PPFIA2: variants seen among roughly 807,000 people sequenced by gnomAD.
PPFIA2 encodes the protein PPFI scaffold protein A2.
In PPFIA2, 46 loss-of-function variants were observed where a neutral mutation model predicts 175.5. The observed-to-expected ratio is 0.26, with a 90% CI of 0.21 to 0.34. The LOEUF is 0.34. Among genes scored for constraint, PPFIA2 ranks in the 10% least tolerant of loss-of-function variants. The pLI is 1.00. For missense variants in PPFIA2, 1,179 were observed against 1,506.1 expected, an observed-to-expected ratio of 0.78 and a Z score of 3.60; for synonymous variants, 568 against 511.4, an observed-to-expected ratio of 1.11 and a Z score of -1.49.
intron 8 of PPFIA2, among the ~76,000 whole-genome samples, chr12:81,385,259 A>C (rs1201374671): frequency 6.6e-6 from 1 of 152,156 alleles, no homozygotes; most frequent in Non-Finnish European, 1.5e-5. Context: ...GCTACTAGTA[A>C]AAATGTAAAT....
At chr12:81,586,309 T>C (rs569389300) in intron 4 of PPFIA2, among the ~76,000 whole-genome samples, 1 of 152,072 alleles carries the variant, frequency 6.6e-6, no homozygotes, top group Admixed American at 6.6e-5. Context: ...TTGCTGAGGT[T>C]TGCTTTTTGA....
At chr12:81,491,499 G>A (rs1481108184) in intron 4 of PPFIA2, among the ~76,000 whole-genome samples, 2 of 151,828 alleles carry the variant, frequency 1.3e-5, no homozygotes, top group Non-Finnish European at 2.9e-5. Context: ...CCCTAAGCCC[G>A]ATTTGATGGG....
chr12:81,292,864 A>G (rs1005643552), intron 24 of PPFIA2: 1 of 152,048 alleles, frequency 6.6e-6, no homozygotes, highest in African/African-American at 2.4e-5. Flanking sequence ...AAAATAATAT[A>G]GGTAAGAATT....
chr12:81,609,965 C>G (rs568847292), intron 4 of PPFIA2, among the ~76,000 whole-genome samples: 135 of 152,244 alleles, frequency 8.9e-4, no homozygotes, highest in African/African-American at 3.2e-3. Flanking sequence ...TAAAACTAGT[C>G]TAGTTGAAAA....
chr12:81,349,551 A>G (rs2059655376), intron 17 of PPFIA2, among the ~76,000 whole-genome samples: 1 of 152,186 alleles, frequency 6.6e-6, no homozygotes, highest in South Asian at 2.1e-4. Context: ...AGAAAAAACT[A>G]TCTTCACCCT....
At position 81,676,954 on chromosome 12, in the gene PPFIA2, A is replaced by C. The variant is rs115604320; in HGVS notation, c.250-110T>G. On this transcript the variant is annotated intron_variant, in intron 3 of 32. Transcript: ENST00000549396. ...GCTGCAAAGTTAGGGCATGTCAGCT[A>C]TTTTATTATTTTTTTGCAATCTTGG... 2.6e-4 allele frequency: 179 copies of C among 689,234 alleles called. No homozygotes were observed. The African/African-American group carries it at 2.9e-3, about 11-fold the overall frequency. 42.7% of individuals were successfully genotyped at this position (689,234 alleles called of 1,614,324 possible). A position where few individuals can be genotyped will look rare whatever the true frequency, so the allele number is the denominator to read the frequency against.
chr12:81,495,107 T>A lies in PPFIA2; in HGVS notation c.304-37241A>T, dbSNP rs191086669. Among the ~76,000 whole-genome samples the A allele has an allele frequency of 2.0e-3, 296 of 151,626 alleles. 2 individuals are homozygous for A. The highest frequency in any genetic ancestry group is 6.2e-3 in the African/African-American group (255 of 41,382). On this transcript the variant is annotated intron_variant, in intron 4 of 32. Coordinates refer to ENST00000549396, the MANE Select transcript of PPFIA2 (RefSeq NM_003625.5). ...TTAAAGTATAATAATAATAAAATTTTAAAAAAAAGAAAAAGTGTCGTTTAG... is the reference window on the plus strand; with the variant it reads ...TTAAAGTATAATAATAATAAAATTTAAAAAAAAAGAAAAAGTGTCGTTTAG...
At chr12:81,414,145 C>T (rs896601099) in intron 7 of PPFIA2, among the ~76,000 whole-genome samples, 7 of 151,654 alleles carry the variant, frequency 4.6e-5, no homozygotes, top group African/African-American at 1.7e-4. Context: ...AGAGATATTT[C>T]TGATTCAGGT....
intron 4 of PPFIA2, among the ~76,000 whole-genome samples, chr12:81,671,587 C>T (rs991068379): frequency 6.6e-6 from 1 of 151,878 alleles, no homozygotes; most frequent in African/African-American, 2.4e-5. Flanking sequence ...GGGAAGATCT[C>T]GTTGACTCTT....
intron 17 of PPFIA2, among the ~76,000 whole-genome samples, chr12:81,348,962 C>A (rs1426438577): frequency 2.0e-5 from 3 of 152,086 alleles, no homozygotes; most frequent in Admixed American, 1.3e-4. Flanking sequence ...CCTGTACCTT[C>A]AAGTTTATGA....
At chr12:81,554,881 A>T (rs17008707) in intron 4 of PPFIA2, among the ~76,000 whole-genome samples, 18,067 of 152,042 alleles carry the variant, frequency 0.12, 1,196 homozygotes, top group Middle Eastern at 0.13. Flanking sequence ...GTTCAGTACC[A>T]TGTGAGATCA....
At chr12:81,319,093 A>C (rs1253708373) in intron 22 of PPFIA2, among the ~76,000 whole-genome samples, 1 of 151,646 alleles carries the variant, frequency 6.6e-6, no homozygotes, top group African/African-American at 2.4e-5. Flanking sequence ...TACTCTTTCC[A>C]GATCAAAAAT....
At chr12:81,702,798 T>C (rs898117848) in intron 3 of PPFIA2, among the ~76,000 whole-genome samples, 2 of 152,134 alleles carry the variant, frequency 1.3e-5, no homozygotes, top group Admixed American at 1.3e-4. Context: ...GGTTTAGATA[T>C]GATTATGAGG....
intron 21 of PPFIA2, among the ~76,000 whole-genome samples, chr12:81,326,875 CACAA>C (rs1472661552): frequency 1.5e-4 from 23 of 152,154 alleles, no homozygotes; most frequent in Non-Finnish European, 2.5e-4. Flanking sequence ...TATAAACTCT[CACAA>C]AGACTATGCA....
intron 6 of PPFIA2, among the ~76,000 whole-genome samples, chr12:81,442,848 CATATATATATATATATATATATATAT>C (rs35192542): frequency 0.018 from 247 of 14,098 alleles, 16 homozygotes; most frequent in African/African-American, 0.048. Flanking sequence ...TTTCTGACTT[CATATATATATATATATATATATATAT>C]ATATATATAT....
chr12:81,469,701 A>G (rs1268054325), intron 4 of PPFIA2, among the ~76,000 whole-genome samples: 2 of 152,236 alleles, frequency 1.3e-5, no homozygotes, highest in Non-Finnish European at 2.9e-5. Context: ...AGCTCATACA[A>G]CACAAGTTAA....
At chr12:81,319,134 A>C (rs1232570842) in intron 22 of PPFIA2, among the ~76,000 whole-genome samples, 3 of 151,774 alleles carry the variant, frequency 2.0e-5, no homozygotes, top group Non-Finnish European at 4.4e-5. Flanking sequence ...TGGAGCCAGC[A>C]CAGGGCTTCT....
chr12:81,327,434 T>G (rs1244653701), intron 21 of PPFIA2, among the ~76,000 whole-genome samples: 1 of 152,142 alleles, frequency 6.6e-6, no homozygotes, highest in African/African-American at 2.4e-5. Context: ...TGAGTGCATA[T>G]TTTCATTTTA....
chr12:81,347,740 C>G lies in PPFIA2; in HGVS notation c.2025G>C (p.Glu675Asp). ...RLIQEEKEST[E>D]LRAEEIENRV... ...TATTTTCAATTTCTTCAGCACGCAA[C>G]TCTGTAGATTCTTTTTCTTCCTGAA... Residue 675 changes from glutamate (E) to aspartate (D), a missense_variant, in exon 18 of 33, where the codon GAG becomes GAC. Glu to Asp is a conservative substitution (Grantham distance 45). Coordinates refer to ENST00000549396, the MANE Select transcript of PPFIA2 (RefSeq NM_003625.5). 1 of 1,613,800 alleles carries G rather than the reference C, an allele frequency of 6.2e-7. No individual in the cohort carries two copies. The highest frequency in any genetic ancestry group is 8.5e-7 in the Non-Finnish European group (1 of 1,179,790).
Sources: allele counts gnomAD v4.1 joint callset (sites outside exome capture counted in the v4.1 genomes callset), GRCh38; gene constraint gnomAD v4.1.1; transcripts MANE v1.5; gene names NCBI Gene and HGNC (gene_info 2026-07-23, HGNC 2026-07-21).